The following ALG14 variants were observed in gnomAD, a reference collection of about 807,000 sequenced individuals.
The protein encoded by ALG14 is UDP-N-acetylglucosamine transferase subunit ALG14.
Under a neutral mutation model 22.8 loss-of-function variants are expected in ALG14, and 17 were observed. That is an observed-to-expected ratio of 0.75 (90% CI 0.51 to 1.12). The LOEUF (loss-of-function observed/expected upper bound fraction) is 1.12. Ranked by LOEUF, ALG14 falls within the 50% of genes most tolerant of loss-of-function variation. ALG14 has a pLI of 0.00. For missense variants in ALG14, 288 were observed against 271.8 expected, an observed-to-expected ratio of 1.06 and a Z score of -0.42; for synonymous variants, 89 against 103.7, an observed-to-expected ratio of 0.86 and a Z score of 0.86.
intron 3 of ALG14, among the ~76,000 whole-genome samples, chr1:94,989,455 T>A (rs773328513): frequency 1.3e-5 from 2 of 152,112 alleles, no homozygotes; most frequent in Non-Finnish European, 2.9e-5. Flanking sequence ...AGTGAGATAC[T>A]CCTTTCTAGG....
At chr1:95,054,800 T>C (rs72720252) in intron 2 of ALG14, among the ~76,000 whole-genome samples, 12,057 of 152,254 alleles carry the variant, frequency 0.079, 504 homozygotes, top group African/African-American at 0.11. Context: ...AAGTTGTCTA[T>C]ACTCCACAGC....
At chr1:95,059,673 A>C (rs976016132) in intron 2 of ALG14, among the ~76,000 whole-genome samples, 2 of 151,996 alleles carry the variant, frequency 1.3e-5, no homozygotes, top group Non-Finnish European at 1.5e-5. Context: ...GTCATCTGAT[A>C]GAACTTTCTG....
At chr1:95,005,706 C>T (rs550208817) in intron 3 of ALG14, among the ~76,000 whole-genome samples, 11 of 152,240 alleles carry the variant, frequency 7.2e-5, no homozygotes, top group African/African-American at 2.6e-4. Context: ...CCCCGTCCTC[C>T]TAGAGTTCAC....
intron 3 of ALG14, among the ~76,000 whole-genome samples, chr1:95,021,919 T>C (rs1255151025): frequency 1.3e-5 from 2 of 152,212 alleles, no homozygotes; most frequent in Non-Finnish European, 2.9e-5. Context: ...ACAGCTATCC[T>C]TGGGAAAACA....
At chr1:95,052,194 T>C (rs1037778151) in intron 2 of ALG14, among the ~76,000 whole-genome samples, 1 of 152,108 alleles carries the variant, frequency 6.6e-6, no homozygotes, top group African/African-American at 2.4e-5. Context: ...AGAACTTCCA[T>C]GAAGGAACGA....
intron 1 of ALG14, among the ~76,000 whole-genome samples, chr1:95,071,096 A>G (rs1159882952): frequency 6.6e-6 from 1 of 152,168 alleles, no homozygotes; most frequent in Non-Finnish European, 1.5e-5. Flanking sequence ...CAACCCATGT[A>G]GAAACAGAAG....
At chr1:95,033,470 CAT>C (rs1265664346) in intron 2 of ALG14, among the ~76,000 whole-genome samples, 189 of 149,672 alleles carry the variant, frequency 1.3e-3, no homozygotes, top group African/African-American at 4.0e-3. Flanking sequence ...CACACACACA[CAT>C]ATATATATAC....
intron 2 of ALG14, among the ~76,000 whole-genome samples, chr1:95,052,077 A>G (rs1398427599): frequency 6.6e-6 from 1 of 152,220 alleles, no homozygotes; most frequent in Middle Eastern, 3.2e-3. Context: ...AAGTTTGTGA[A>G]TGCTAAACTT....
At chr1:94,992,230 T>G (rs746300553) in intron 3 of ALG14, among the ~76,000 whole-genome samples, 5 of 152,212 alleles carry the variant, frequency 3.3e-5, no homozygotes, top group Non-Finnish European at 5.9e-5. Flanking sequence ...TTTACATGAC[T>G]GGCAGTGCAG....
At chr1:95,068,463 A>AT (rs1675452121) in intron 1 of ALG14, among the ~76,000 whole-genome samples, 1 of 151,644 alleles carries the variant, frequency 6.6e-6, no homozygotes, top group Non-Finnish European at 1.5e-5. Context: ...ATTTTTTTGT[A>AT]TTTTTTAGTA....
intron 3 of ALG14, among the ~76,000 whole-genome samples, chr1:95,011,806 T>C (rs369577985): frequency 2.0e-5 from 3 of 152,338 alleles, no homozygotes; most frequent in East Asian, 3.9e-4. Flanking sequence ...AGGATTAAGA[T>C]TCATTATTCT....
chr1:95,070,201 C>G (rs976805629), intron 1 of ALG14, among the ~76,000 whole-genome samples: 3 of 152,300 alleles, frequency 2.0e-5, no homozygotes, highest in African/African-American at 7.2e-5. Context: ...CTGGGCTTCC[C>G]TACTGTCTAT....
chr1:95,039,264 A>G (rs1674306990), intron 2 of ALG14, among the ~76,000 whole-genome samples: 1 of 152,176 alleles, frequency 6.6e-6, no homozygotes, highest in Admixed American at 6.5e-5. Flanking sequence ...GGAGCGGAAT[A>G]ATGGGAGCAG....
rs574088147 is a variant in ALG14 at position 95,043,573 on chromosome 1, G to T, written c.289-16313C>A. ...CTACTGAGAACTAGTGCAGGTCAGC[G>T]GCTAAATGATCAGCAGTGCACTGCC... On this transcript the variant is annotated intron_variant, in intron 2 of 3. Transcript: ENST00000370205. Among the ~76,000 whole-genome samples the T allele has an allele frequency of 1.2e-4, 19 of 152,250 alleles. No homozygotes were observed. The South Asian group carries it at 3.9e-3, about 32-fold the overall frequency.
At chr1:95,019,068 T>G (rs1673583960) in intron 3 of ALG14, among the ~76,000 whole-genome samples, 1 of 152,222 alleles carries the variant, frequency 6.6e-6, no homozygotes, top group South Asian at 2.1e-4. Context: ...TAAAAATTGC[T>G]TGTGTCAAAG....
In ALG14 at chr1:95,036,481, C is replaced by T. The variant is rs548659658; in HGVS notation, c.289-9221G>A. On this transcript the variant is annotated intron_variant, in intron 2 of 3. Transcript: ENST00000370205. ...TCACTCTGTTGCCCAGGTTGGGGTGCAGTGGTGCGATCTCGGCTCACTGCA... is the reference window on the plus strand; with the variant it reads ...TCACTCTGTTGCCCAGGTTGGGGTGTAGTGGTGCGATCTCGGCTCACTGCA... 2.0e-4 allele frequency among the ~76,000 whole-genome samples: 26 copies of T among 128,954 alleles called. No individual in the cohort carries two copies. In the South Asian group the frequency reaches 4.8e-3, roughly 24 times the overall value. The allele number at this position is 128,954 out of a possible 152,430, so 84.6% of individuals were successfully genotyped here.
intron 3 of ALG14, among the ~76,000 whole-genome samples, chr1:95,019,515 T>C (rs1673595694): frequency 6.6e-6 from 1 of 152,174 alleles, no homozygotes; most frequent in Non-Finnish European, 1.5e-5. Flanking sequence ...GTAAGGTCCT[T>C]TTGAAGAACA....
At chr1:95,026,034 A>G (rs1571619917) in intron 3 of ALG14, among the ~76,000 whole-genome samples, 2 of 151,866 alleles carry the variant, frequency 1.3e-5, no homozygotes, top group Non-Finnish European at 2.9e-5. Flanking sequence ...CGGGGTTCAC[A>G]CCATTCTCCT....
In ALG14 at chr1:95,021,616, T is replaced by C. The variant is rs922692625; in HGVS notation, c.420+5513A>G. On this transcript the variant is annotated intron_variant, in intron 3 of 3. Coordinates refer to ENST00000370205, the MANE Select transcript of ALG14 (RefSeq NM_144988.4). ...AGAGCTCCTGCTTCACATGATCCTT[T>C]AAAATAAGCACTGAAAGTCTGTGAA... Among the ~76,000 whole-genome samples the C allele has an allele frequency of 4.6e-5, 7 of 152,212 alleles. No homozygotes were observed. The South Asian group carries it at 1.2e-3, about 27-fold the overall frequency.
Sources: gnomAD v4.1 joint callset for allele counts (sites outside exome capture counted in the v4.1 genomes callset) on GRCh38, gnomAD v4.1.1 for gene constraint, MANE v1.5 for transcripts, NCBI Gene and HGNC (gene_info 2026-07-23, HGNC 2026-07-21) for gene names.